The following PLAC8L1 variants were observed in gnomAD, a reference collection of about 807,000 sequenced individuals.
The protein encoded by PLAC8L1 is PLAC8 like 1, also known as PLAC8-like protein 1.
PLAC8L1 carries 13 observed loss-of-function variants against 16.3 expected under a neutral mutation model. That is an observed-to-expected ratio of 0.80 (90% CI 0.52 to 1.27). PLAC8L1 has a LOEUF of 1.27. Ranked by LOEUF, PLAC8L1 falls within the 50% of genes most tolerant of loss-of-function variation. The pLI is 0.00. For synonymous variants in PLAC8L1, 78 were observed against 79.3 expected (o/e 0.98, Z 0.09); for missense variants, 184 against 220.2 (o/e 0.84, Z 1.04).
chr5:146,101,232 A>G (rs1224853019), intron 1 of PLAC8L1, among the ~76,000 whole-genome samples: 1 of 149,492 alleles, frequency 6.7e-6, no homozygotes, highest in Non-Finnish European at 1.5e-5. Flanking sequence ...AGGTGGCCTT[A>G]TAAGAGAAAT....
chr5:146,094,575 C>T (rs905667507), intron 2 of PLAC8L1, among the ~76,000 whole-genome samples: 1 of 152,204 alleles, frequency 6.6e-6, no homozygotes, highest in Non-Finnish European at 1.5e-5. Flanking sequence ...ATTCCCAAAG[C>T]TGGATTGCCC....
intron 3 of PLAC8L1, 128 bp downstream of exon 3, chr5:146,085,333 T>C (rs1763490622): frequency 9.9e-7 from 1 of 1,006,232 alleles, no homozygotes; most frequent in East Asian, 2.5e-5. Context: ...TTTCTCAAAG[T>C]TTCCCACTAA....
chr5:146,089,094 A>G (rs1360494942), intron 2 of PLAC8L1, among the ~76,000 whole-genome samples: 1 of 152,224 alleles, frequency 6.6e-6, no homozygotes, highest in Admixed American at 6.5e-5. Context: ...ACCATTCTCA[A>G]TAAGTATATT....
At chr5:146,099,649 A>C (rs943235586) in intron 1 of PLAC8L1, among the ~76,000 whole-genome samples, 6 of 128,878 alleles carry the variant, frequency 4.7e-5, no homozygotes, top group African/African-American at 1.8e-4. Context: ...ACAGAGCAAG[A>C]CTCCGTCTCA....
intron 3 of PLAC8L1, 137 bp from the exon 4 acceptor site, chr5:146,084,709 G>A: frequency 8.9e-7 from 1 of 1,128,970 alleles, no homozygotes; most frequent in Non-Finnish European, 1.2e-6. Flanking sequence ...CAATGCCCAG[G>A]GACACTAAGT....
chr5:146,089,893 C>T (rs1177649349), intron 2 of PLAC8L1, among the ~76,000 whole-genome samples: 1 of 151,962 alleles, frequency 6.6e-6, no homozygotes. Context: ...TGCCTGCCAC[C>T]ATGCCCGGCT....
At chr5:146,100,556 G>GT (rs1377050307) in intron 1 of PLAC8L1, among the ~76,000 whole-genome samples, 2 of 152,098 alleles carry the variant, frequency 1.3e-5, no homozygotes, top group Non-Finnish European at 2.9e-5. Flanking sequence ...TTGAAAATTT[G>GT]TAAGTTCTCA....
At chr5:146,085,643 G>A (rs781243974) in intron 2 of PLAC8L1, 46 bp from the exon 3 acceptor site, 1 of 1,575,656 alleles carries the variant, frequency 6.3e-7, no homozygotes, top group Admixed American at 1.7e-5. Context: ...AGATTTCTTG[G>A]AGCAACTTCA....
intron 1 of PLAC8L1, among the ~76,000 whole-genome samples, chr5:146,098,812 A>G (rs1196232977): frequency 6.6e-6 from 1 of 152,178 alleles, no homozygotes; most frequent in African/African-American, 2.4e-5. Flanking sequence ...TGATACTGAG[A>G]AGGAACTGGA....
At chr5:146,096,056 C>A (rs1580978006) in intron 2 of PLAC8L1, among the ~76,000 whole-genome samples, 2 of 152,254 alleles carry the variant, frequency 1.3e-5, no homozygotes, top group Admixed American at 6.5e-5. Context: ...TGGGAGAATT[C>A]TGGAGGTTAG....
intron 1 of PLAC8L1, chr5:146,103,623 G>A (rs1435918618): frequency 1.0e-6 from 1 of 972,930 alleles, no homozygotes; most frequent in Non-Finnish European, 1.2e-6. Context: ...GAAGGTGAGG[G>A]AGGCTTTAAC....
intron 1 of PLAC8L1, among the ~76,000 whole-genome samples, chr5:146,103,030 A>G (rs1343769312): frequency 2.0e-5 from 3 of 152,214 alleles, no homozygotes; most frequent in African/African-American, 4.8e-5. Context: ...TTCAGTTGTC[A>G]TATGTGCTAC....
chr5:146,090,534 AAAAACAAAACAAAAC>A (rs71581853), intron 2 of PLAC8L1, among the ~76,000 whole-genome samples: 5,150 of 149,762 alleles, frequency 0.034, 291 homozygotes, highest in African/African-American at 0.12. Flanking sequence ...GACCGTCTCA[AAAAACAAAACAAAAC>A]AAAACAAAAC....
chr5:146,104,010 C>A, intron 1 of PLAC8L1, 183 bp downstream of exon 1: 1 of 985,356 alleles, frequency 1.0e-6, no homozygotes, highest in Non-Finnish European at 1.2e-6. Flanking sequence ...TTCTTGTCAC[C>A]AGCCAAGAAA....
chr5:146,100,780 C>T (rs939693636), intron 1 of PLAC8L1, among the ~76,000 whole-genome samples: 2 of 152,088 alleles, frequency 1.3e-5, no homozygotes, highest in African/African-American at 4.8e-5. Context: ...TAGACTGCAT[C>T]GCATCCCCCA....
intron 1 of PLAC8L1, among the ~76,000 whole-genome samples, chr5:146,101,822 G>A (rs1401830420): frequency 6.6e-6 from 1 of 152,160 alleles, no homozygotes; most frequent in Non-Finnish European, 1.5e-5. Context: ...GCCACAAGCT[G>A]GGGCTTCCAT....
chr5:146,097,428 G>C (rs1051465168), intron 2 of PLAC8L1, among the ~76,000 whole-genome samples: 6 of 152,120 alleles, frequency 3.9e-5, no homozygotes, highest in Non-Finnish European at 8.8e-5. Context: ...AAAGCAAAAA[G>C]GAAATAAACA....
At chr5:146,103,566 C>T in intron 1 of PLAC8L1, 1 of 801,162 alleles carries the variant, frequency 1.2e-6, no homozygotes, top group Non-Finnish European at 1.5e-6. Flanking sequence ...GTGCTAAAAC[C>T]AGTACAGTTC....
rs1204413167 is a variant in PLAC8L1, at chr5:146,084,478, A to C, written c.488T>G (p.Val163Gly). ...CATTGGGACTGCACAGATTTCATAG[A>C]CTTGGGAGGTCCTCATCTTGAGTTC... ...ARELKMRTSQ[V>G]YEICAVPMTK... The change falls in exon 4 of 4, where the codon GTC (valine) becomes GGC (glycine). Residue 163 changes from valine to glycine, a missense_variant. Coordinates refer to ENST00000311450, the MANE Select transcript of PLAC8L1 (RefSeq NM_001029869.3). 2 of 1,614,060 alleles carry C rather than the reference A, an allele frequency of 1.2e-6. No homozygotes were observed. Among genetic ancestry groups the C allele is most frequent in the Non-Finnish European group, 1.7e-6 (2 of 1,180,022 alleles).
Sources: allele counts gnomAD v4.1 joint callset (sites outside exome capture counted in the v4.1 genomes callset), GRCh38; gene constraint gnomAD v4.1.1; transcripts MANE v1.5; gene names NCBI Gene and HGNC (gene_info 2026-07-23, HGNC 2026-07-21).